The following ANO1 variants were observed in gnomAD, a reference collection of about 807,000 sequenced individuals.
The protein encoded by ANO1 is anoctamin 1, also known as anoctamin-1.
Under a neutral mutation model 124.0 loss-of-function variants are expected in ANO1, and 59 were observed. The observed-to-expected ratio is 0.48, with a 90% CI of 0.39 to 0.59. The LOEUF is 0.59. Ranked by LOEUF, ANO1 falls within the 20% of genes least tolerant of loss-of-function variation. The pLI, the probability that ANO1 is intolerant of heterozygous loss-of-function variation, is 0.00. For missense variants in ANO1, 1,059 were observed against 1,328.0 expected (o/e 0.80, Z 3.15); for synonymous variants, 529 against 532.0 (o/e 0.99, Z 0.08).
At chr11:70,119,175 G>T (rs2046138644) in intron 8 of ANO1, among the ~76,000 whole-genome samples, 2 of 148,786 alleles carry the variant, frequency 1.3e-5, no homozygotes, top group Admixed American at 6.7e-5. Context: ...GATGGATGAT[G>T]GGTGGGTGGA....
intron 1 of ANO1, among the ~76,000 whole-genome samples, chr11:70,041,484 C>G (rs1489731191): frequency 6.6e-6 from 1 of 152,228 alleles, no homozygotes; most frequent in Non-Finnish European, 1.5e-5. Flanking sequence ...GACTCACACA[C>G]ACATTTAAGT....
chr11:70,131,526 C>G (rs1321686648), intron 10 of ANO1, among the ~76,000 whole-genome samples: 5 of 152,172 alleles, frequency 3.3e-5, no homozygotes, highest in South Asian at 2.1e-4. Flanking sequence ...CAGGGTTTCA[C>G]CATTTTGGCC....
chr11:70,105,789 G>A lies in ANO1; in HGVS notation c.747+1G>A, dbSNP rs766600430. 1.9e-6 allele frequency: 3 copies of A among 1,613,404 alleles called. No individual in the cohort carries two copies. The highest frequency in any genetic ancestry group is 1.1e-5 in the South Asian group (1 of 91,056). On this transcript the variant is annotated splice_donor_variant, in intron 5 of 25. Transcript: ENST00000355303. LOFTEE classifies it high-confidence loss of function. ...CGACAGCAAAACCCGGAGCACGATT[G>A]TAAGTATCGCACGCGCCTGGAAACG...
chr11:70,079,607 A>G (rs910637742), intron 1 of ANO1, among the ~76,000 whole-genome samples: 1 of 152,126 alleles, frequency 6.6e-6, no homozygotes, highest in South Asian at 2.1e-4. Context: ...GGGTGAGGGA[A>G]GCTCTCAGCA....
chr11:70,177,594 C>CTTTTTTTTTTTTTTTTTTTTTT (rs57647858), intron 22 of ANO1, among the ~76,000 whole-genome samples: 3 of 78,926 alleles, frequency 3.8e-5, no homozygotes, highest in Non-Finnish European at 4.4e-5. Context: ...TTTTTTTTTT[C>CTTTTTTTTTTTTTTTTTTTTTT]TTTTTTTTTT....
At position 70,165,623 on chromosome 11, in the gene ANO1, T is replaced by C. The variant is rs1005788732; in HGVS notation, c.2051+53T>C. 5 of 1,470,050 alleles carry C rather than the reference T, an allele frequency of 3.4e-6. No individual in the cohort carries two copies. The African/African-American group carries it at 7.1e-5, about 21-fold the overall frequency. The allele number at this position is 1,470,050 out of a possible 1,614,324, so 91.1% of individuals were successfully genotyped here. A position where few individuals can be genotyped will look rare whatever the true frequency, so the allele number is the denominator to read the frequency against. On this transcript the variant is annotated intron_variant, in intron 20 of 25. Coordinates refer to ENST00000355303, the MANE Select transcript of ANO1 (RefSeq NM_018043.7). ...GCAGGGGCGGGGCCAGGCGGAGGGG[T>C]GTGTGGGTGGCTCCTGCGGGGGTCT...
At chr11:70,116,427 TAAG>T (rs746014586) in intron 7 of ANO1, 28 bp from the exon 8 acceptor site, 2 of 1,582,394 alleles carry the variant, frequency 1.3e-6, no homozygotes, top group Non-Finnish European at 1.7e-6. Context: ...CATTGGATGA[TAAG>T]AACGTCCCTT....
intron 5 of ANO1, 41 bp downstream of exon 5, chr11:70,105,829 T>C: frequency 1.3e-6 from 2 of 1,597,080 alleles, no homozygotes; most frequent in East Asian, 2.2e-5. Context: ...ACTGGCAAGA[T>C]GGCCCTGGGG....
At chr11:70,102,390 G>C (rs2045312968) in intron 2 of ANO1, among the ~76,000 whole-genome samples, 1 of 152,212 alleles carries the variant, frequency 6.6e-6, no homozygotes, top group African/African-American at 2.4e-5. Context: ...ACTCTCTGCT[G>C]TTCACTGTTG....
chr11:70,070,595 G>A (rs1323836356), intron 1 of ANO1, among the ~76,000 whole-genome samples: 1 of 152,232 alleles, frequency 6.6e-6, no homozygotes, highest in Non-Finnish European at 1.5e-5. Context: ...AGAATTTCTT[G>A]AATCCAGAAG....
At chr11:69,976,507 TAAAAAAAAAAAAAAAAAAAAAAAAAAA>T in the ANO1 span, among the ~76,000 whole-genome samples, 4,626 of 74,418 alleles carry the variant, frequency 0.062, 430 homozygotes, top group African/African-American at 0.15. Flanking sequence ...ACTCCGTCTC[TAAAAAAAAAAAAAAAAAAAAAAAAAAA>T]AAAAAAAAAA....
intron 1 of ANO1, among the ~76,000 whole-genome samples, chr11:70,062,223 C>T (rs550016339): frequency 2.3e-4 from 35 of 151,946 alleles, no homozygotes; most frequent in African/African-American, 7.5e-4. Flanking sequence ...ATTACAGACG[C>T]GTACCACCAC....
intron 8 of ANO1, among the ~76,000 whole-genome samples, chr11:70,122,458 CTCTG>C (rs1407105060): frequency 1.3e-5 from 2 of 149,202 alleles, no homozygotes; most frequent in Admixed American, 6.6e-5. Context: ...CTCTCTGTCT[CTCTG>C]TCTCTGTCTC....
At chr11:70,029,808 G>A (rs964442203) in intron 1 of ANO1, among the ~76,000 whole-genome samples, 4 of 152,152 alleles carry the variant, frequency 2.6e-5, no homozygotes, top group South Asian at 2.1e-4. Flanking sequence ...CGAGCTTCCC[G>A]GGCTCCAGGC....
At chr11:69,983,792 G>T (rs1405053140), upstream of ANO1, among the ~76,000 whole-genome samples, 1 of 152,220 alleles carries the variant, frequency 6.6e-6, no homozygotes, top group Non-Finnish European at 1.5e-5. Context: ...CACAGCTGAA[G>T]GGTTTCATCC....
At chr11:70,158,097 A>G (rs1342014480) in intron 16 of ANO1, among the ~76,000 whole-genome samples, 1 of 152,350 alleles carries the variant, frequency 6.6e-6, no homozygotes, top group East Asian at 1.9e-4. Context: ...AAAAATTTTA[A>G]AAAAGAAAAC....
intron 16 of ANO1, 60 bp downstream of exon 16, chr11:70,157,081 C>T (rs2047844585): frequency 6.7e-7 from 1 of 1,497,388 alleles, no homozygotes; most frequent in Admixed American, 1.8e-5. Context: ...AAGTGATTGG[C>T]TTCAGCCGGG....
Position 70,035,560 on chromosome 11 carries a change from T to C in ANO1, c.59-42982T>C, listed in dbSNP as rs528823170. ...TATACTTTAAGTTCTGGGATACATA[T>C]GCAGAACGTGCAGGTTTGTTACATA... On this transcript the variant is annotated intron_variant, in intron 1 of 27. Coordinates refer to the ANO1 transcript ENST00000531349. Among the ~76,000 whole-genome samples, 12 of 148,812 alleles carry C rather than the reference T, an allele frequency of 8.1e-5. No individual in the cohort carries two copies. The South Asian group carries it at 2.9e-3, about 35-fold the overall frequency.
chr11:70,051,248 C>T (rs1276415693), intron 1 of ANO1, among the ~76,000 whole-genome samples: 2 of 152,184 alleles, frequency 1.3e-5, no homozygotes, highest in Non-Finnish European at 2.9e-5. Context: ...TGGAAGCAAG[C>T]TTTTGCTCTA....
Sources: allele counts gnomAD v4.1 joint callset (sites outside exome capture counted in the v4.1 genomes callset), GRCh38; gene constraint gnomAD v4.1.1; transcripts MANE v1.5; gene names NCBI Gene and HGNC (gene_info 2026-07-23, HGNC 2026-07-21).